The following SLC35F1 variants were observed in gnomAD, a reference collection of about 807,000 sequenced individuals.
The protein encoded by SLC35F1 is chromosome 6 open reading frame 169.
SLC35F1 carries 14 observed loss-of-function variants against 48.7 expected under a neutral mutation model. The observed-to-expected ratio is 0.29, with a 90% confidence interval of 0.19 to 0.45. The LOEUF is 0.45. SLC35F1 is among the 20% of genes least tolerant of loss of function. The probability of loss-of-function intolerance (pLI) is 1.00; values close to 1 mark genes in which losing one functional copy is unlikely to be tolerated. For synonymous variants in SLC35F1, 190 were observed against 202.2 expected (o/e 0.94, Z 0.51); for missense variants, 404 against 500.0 (o/e 0.81, Z 1.83).
intron 2 of SLC35F1, among the ~76,000 whole-genome samples, chr6:118,164,305 A>G (rs1050973535): frequency 6.6e-5 from 10 of 152,210 alleles, no homozygotes; most frequent in Non-Finnish European, 2.9e-5. Flanking sequence ...TCCAAAAAAT[A>G]GAGTGAATAT....
At chr6:118,125,913 G>T (rs7743889) in intron 1 of SLC35F1, among the ~76,000 whole-genome samples, 114 of 152,200 alleles carry the variant, frequency 7.5e-4, no homozygotes, top group African/African-American at 2.7e-3. Context: ...GCTATTGCCC[G>T]TGGATAATCG....
chr6:118,294,536 T>A (rs1776161007), intron 7 of SLC35F1, among the ~76,000 whole-genome samples: 1 of 152,228 alleles, frequency 6.6e-6, no homozygotes, highest in Non-Finnish European at 1.5e-5. Flanking sequence ...AGGCTTAATA[T>A]TGCCACAAAA....
chr6:118,080,596 C>G (rs529387206), intron 1 of SLC35F1, among the ~76,000 whole-genome samples: 6 of 152,196 alleles, frequency 3.9e-5, no homozygotes, highest in Non-Finnish European at 5.9e-5. Flanking sequence ...TTTCTGATGG[C>G]TTTGCTGTGA....
At chr6:118,159,220 CAAAAAAAAAAA>C (rs60060945) in intron 2 of SLC35F1, among the ~76,000 whole-genome samples, 9 of 43,852 alleles carry the variant, frequency 2.1e-4, no homozygotes, top group South Asian at 1.7e-3. Context: ...GACTCTGTCT[CAAAAAAAAAAA>C]AAAAAAAAAA....
chr6:118,182,519 A>AGAAGGAAGAAAGGAAGGAAG (rs1774594424), intron 2 of SLC35F1, among the ~76,000 whole-genome samples: 2 of 106,310 alleles, frequency 1.9e-5, no homozygotes, highest in Admixed American at 1.2e-4. Flanking sequence ...AGAGAGAGAG[A>AGAAGGAAGAAAGGAAGGAAG]GAAGGAAGGA....
chr6:118,304,494 G>T (rs1776289585), intron 7 of SLC35F1, among the ~76,000 whole-genome samples: 1 of 152,130 alleles, frequency 6.6e-6, no homozygotes, highest in Non-Finnish European at 1.5e-5. Flanking sequence ...TGATGAAAAT[G>T]CCTTCTATTC....
intron 1 of SLC35F1, among the ~76,000 whole-genome samples, chr6:117,985,401 A>G (rs1776835540): frequency 6.6e-6 from 1 of 152,256 alleles, no homozygotes; most frequent in Non-Finnish European, 1.5e-5. Flanking sequence ...TTCACAATTC[A>G]CTTGTAATGG....
At chr6:118,238,238 A>T (rs1013513547) in intron 3 of SLC35F1, among the ~76,000 whole-genome samples, 2 of 152,024 alleles carry the variant, frequency 1.3e-5, no homozygotes, top group Non-Finnish European at 2.9e-5. Flanking sequence ...GGACCTCTGT[A>T]CCTTAGGATG....
chr6:117,950,903 A>G (rs1381615904), intron 1 of SLC35F1, among the ~76,000 whole-genome samples: 1 of 152,204 alleles, frequency 6.6e-6, no homozygotes, highest in Non-Finnish European at 1.5e-5. Flanking sequence ...AGTCTAAGTC[A>G]TTTCTAAGAA....
chr6:117,963,734 C>T (rs556917942), intron 1 of SLC35F1, among the ~76,000 whole-genome samples: 1 of 152,200 alleles, frequency 6.6e-6, no homozygotes, highest in South Asian at 2.1e-4. Flanking sequence ...TTATTGATGA[C>T]CCTTACTTTG....
intron 1 of SLC35F1, among the ~76,000 whole-genome samples, chr6:117,915,878 C>G (rs543103354): frequency 6.6e-6 from 1 of 152,070 alleles, no homozygotes; most frequent in Non-Finnish European, 1.5e-5. Flanking sequence ...GCAGCCAGGA[C>G]GGAGAGGGAA....
At chr6:118,196,284 A>G (rs1253452786) in intron 2 of SLC35F1, among the ~76,000 whole-genome samples, 2 of 152,188 alleles carry the variant, frequency 1.3e-5, no homozygotes, top group East Asian at 3.8e-4. Flanking sequence ...AATCTTGTCT[A>G]CCTATTAAGT....
chr6:117,941,131 G>T lies in SLC35F1; in HGVS notation c.173+33232G>T, dbSNP rs548423465. ...TTTAAGACTTGGTGTCCCCATGTTGGCTATGCTGTTTACATTTGGGTTTAA... is the reference window on the plus strand; with the variant it reads ...TTTAAGACTTGGTGTCCCCATGTTGTCTATGCTGTTTACATTTGGGTTTAA... On this transcript the variant is annotated intron_variant, in intron 1 of 7. Transcript: ENST00000360388. Among the ~76,000 whole-genome samples, 4 of 152,218 alleles carry T rather than the reference G, an allele frequency of 2.6e-5. 1 individual carries two copies. In the South Asian group the frequency reaches 8.3e-4, roughly 32 times the overall value.
chr6:117,961,277 A>G (rs1334318129), intron 1 of SLC35F1, among the ~76,000 whole-genome samples: 2 of 152,168 alleles, frequency 1.3e-5, no homozygotes, highest in Non-Finnish European at 2.9e-5. Context: ...TATTCTGACA[A>G]CATTTTTATT....
At chr6:117,959,719 AAC>A (rs1776469961) in intron 1 of SLC35F1, among the ~76,000 whole-genome samples, 1 of 152,234 alleles carries the variant, frequency 6.6e-6, no homozygotes, top group African/African-American at 2.4e-5. Flanking sequence ...ACAGTTGAAG[AAC>A]AGTCTGCTGA....
chr6:118,000,272 C>T (rs1777071595), intron 1 of SLC35F1, among the ~76,000 whole-genome samples: 1 of 152,106 alleles, frequency 6.6e-6, no homozygotes. Context: ...GGCTTCATCC[C>T]TGTGATGCAA....
chr6:117,991,631 C>T (rs1271022762), intron 1 of SLC35F1, among the ~76,000 whole-genome samples: 6 of 152,120 alleles, frequency 3.9e-5, no homozygotes, highest in African/African-American at 1.4e-4. Flanking sequence ...TTATGAACAG[C>T]CTGCTGCATA....
At chr6:118,290,706 T>A (rs929328711) in intron 7 of SLC35F1, among the ~76,000 whole-genome samples, 6 of 152,106 alleles carry the variant, frequency 3.9e-5, no homozygotes, top group African/African-American at 1.4e-4. Context: ...CTTGGGGTCT[T>A]CAGGTGGAGA....
chr6:117,976,544 A>T (rs1582595822), intron 1 of SLC35F1, among the ~76,000 whole-genome samples: 1 of 152,302 alleles, frequency 6.6e-6, no homozygotes, highest in East Asian at 1.9e-4. Flanking sequence ...GAGTTGCAGT[A>T]CACAAGGTAA....
Sources: allele counts gnomAD v4.1 joint callset (sites outside exome capture counted in the v4.1 genomes callset), GRCh38; gene constraint gnomAD v4.1.1; transcripts MANE v1.5; gene names NCBI Gene and HGNC (gene_info 2026-07-23, HGNC 2026-07-21).